IKZF2: variants seen among roughly 807,000 people sequenced by gnomAD.
The protein encoded by IKZF2 is IKAROS family zinc finger 2.
A neutral mutation model predicts 49.2 loss-of-function variants in IKZF2; 15 were observed. That is an observed-to-expected ratio of 0.30 (90% CI 0.20 to 0.47). The LOEUF (loss-of-function observed/expected upper bound fraction) is 0.47. IKZF2 is among the 20% of genes least tolerant of loss of function. The pLI is 1.00. For missense variants in IKZF2, 567 were observed against 664.6 expected, an observed-to-expected ratio of 0.85 and a Z score of 1.61; for synonymous variants, 227 against 221.4, an observed-to-expected ratio of 1.03 and a Z score of -0.23.
chr2:213,147,639 C>G, intron 4 of IKZF2, 69 bp downstream of exon 4: 2 of 1,150,620 alleles, frequency 1.7e-6, no homozygotes, highest in African/African-American at 1.5e-5. Context: ...CCCCACAGAC[C>G]TAACAAATTA....
At chr2:213,066,281 G>A (rs548454433) in intron 4 of IKZF2, among the ~76,000 whole-genome samples, 5 of 152,174 alleles carry the variant, frequency 3.3e-5, no homozygotes, top group African/African-American at 1.2e-4. Context: ...TCAACAGAAA[G>A]AGATAAGGAA....
chr2:213,028,477 A>G (rs1035249897), intron 6 of IKZF2, among the ~76,000 whole-genome samples: 5 of 152,146 alleles, frequency 3.3e-5, no homozygotes, highest in African/African-American at 1.2e-4. Context: ...CATCTTAACA[A>G]TACTGAATCT....
chr2:213,009,093 T>G (rs1344012615), intron 8 of IKZF2, among the ~76,000 whole-genome samples: 1 of 152,098 alleles, frequency 6.6e-6, no homozygotes, highest in East Asian at 1.9e-4. Context: ...TCATCCTTTC[T>G]TATTTAGACA....
At chr2:213,103,211 T>G (rs1320662734) in intron 4 of IKZF2, among the ~76,000 whole-genome samples, 1 of 152,120 alleles carries the variant, frequency 6.6e-6, no homozygotes, top group Admixed American at 6.6e-5. Flanking sequence ...AGCTAGTTAT[T>G]CCTTTGGGTA....
chr2:213,089,557 G>A (rs533607942), intron 4 of IKZF2, among the ~76,000 whole-genome samples: 43 of 152,286 alleles, frequency 2.8e-4, no homozygotes, highest in Admixed American at 1.2e-3. Flanking sequence ...AATATGCAAA[G>A]TGTCACAATT....
intron 4 of IKZF2, among the ~76,000 whole-genome samples, chr2:213,059,373 T>G (rs2125401875): frequency 6.6e-6 from 1 of 151,858 alleles, no homozygotes; most frequent in African/African-American, 2.4e-5. Context: ...AGTCTTCAGT[T>G]ATGGCTCCTG....
intron 4 of IKZF2, among the ~76,000 whole-genome samples, chr2:213,060,180 A>G (rs930799794): frequency 6.6e-6 from 1 of 151,324 alleles, no homozygotes; most frequent in African/African-American, 2.4e-5. Flanking sequence ...TACATAGAAA[A>G]GTTTTCTCCA....
chr2:213,076,820 G>C (rs575210068), intron 4 of IKZF2, among the ~76,000 whole-genome samples: 2 of 152,148 alleles, frequency 1.3e-5, no homozygotes, highest in Non-Finnish European at 2.9e-5. Context: ...GGAGAAGGGC[G>C]TGAACCCAGG....
At chr2:213,101,396 T>C (rs532322812) in intron 4 of IKZF2, among the ~76,000 whole-genome samples, 1 of 152,182 alleles carries the variant, frequency 6.6e-6, no homozygotes, top group East Asian at 1.9e-4. Flanking sequence ...CCTTTACCTA[T>C]GGTTATCCAG....
At chr2:213,147,580 C>A in intron 4 of IKZF2, 128 bp downstream of exon 4, 1 of 782,424 alleles carries the variant, frequency 1.3e-6, no homozygotes, top group South Asian at 1.3e-5. Flanking sequence ...CTGTGTTGTT[C>A]TTTCTTTAGC....
chr2:213,062,973 T>C (rs766004071), intron 4 of IKZF2, among the ~76,000 whole-genome samples: 2 of 152,038 alleles, frequency 1.3e-5, no homozygotes, highest in Non-Finnish European at 2.9e-5. Flanking sequence ...ACAATTAAAG[T>C]AAAACCACAA....
At chr2:213,127,211 A>T (rs2060296348) in intron 4 of IKZF2, among the ~76,000 whole-genome samples, 1 of 152,238 alleles carries the variant, frequency 6.6e-6, no homozygotes, top group Non-Finnish European at 1.5e-5. Flanking sequence ...AAATGGGTAT[A>T]AGGCAGTTAC....
At chr2:213,046,062 T>C (rs934972583) in intron 6 of IKZF2, among the ~76,000 whole-genome samples, 7 of 126,052 alleles carry the variant, frequency 5.6e-5, no homozygotes, top group Admixed American at 4.8e-4. Flanking sequence ...CTCGTGGTTT[T>C]ATAGTAAAGA....
At chr2:213,143,241 T>G (rs1017098541) in intron 4 of IKZF2, among the ~76,000 whole-genome samples, 2 of 151,922 alleles carry the variant, frequency 1.3e-5, no homozygotes, top group Admixed American at 6.6e-5. Context: ...TGGTGTTACC[T>G]TTTTTTAAAA....
intron 4 of IKZF2, among the ~76,000 whole-genome samples, chr2:213,059,952 A>G (rs1272116877): frequency 1.3e-5 from 2 of 151,436 alleles, no homozygotes; most frequent in Non-Finnish European, 3.0e-5. Context: ...ATAAAGAAGT[A>G]TGTTTAGAAT....
Position 213,039,743 on chromosome 2 carries a change from T to C in IKZF2, c.574+9970A>G, listed in dbSNP as rs533611344. Among the ~76,000 whole-genome samples, 16 of 152,246 alleles carry C rather than the reference T, an allele frequency of 1.1e-4. No individual in the cohort carries two copies. The East Asian group carries it at 2.9e-3, about 27-fold the overall frequency. Reference sequence around the variant, plus strand: ...AGTGATATACACAAATAAATAATTATATCATATGCTCAATGCTGGTTCAAT... The same window carrying C: ...AGTGATATACACAAATAAATAATTACATCATATGCTCAATGCTGGTTCAAT... On this transcript the variant is annotated intron_variant, in intron 6 of 8. Coordinates refer to ENST00000434687, the MANE Select transcript of IKZF2 (RefSeq NM_001387220.1).
chr2:213,104,293 C>A (rs1339085559), intron 4 of IKZF2, among the ~76,000 whole-genome samples: 5 of 150,872 alleles, frequency 3.3e-5, no homozygotes, highest in African/African-American at 9.7e-5. Context: ...GAAAAAGTTA[C>A]AACTCAAATT....
chr2:213,007,830 C>G lies in IKZF2; in HGVS notation c.1111G>C (p.Glu371Gln). 6.2e-7 allele frequency: 1 copy of G among 1,613,534 alleles called. No homozygotes were observed. The highest frequency in any genetic ancestry group is 1.3e-5 in the African/African-American group (1 of 74,964). The change falls in exon 9 of 9, where the codon GAA (glutamate) becomes CAA (glutamine). Residue 371 changes from glutamate (E) to glutamine (Q), a missense_variant. Glu to Gln is a conservative substitution (Grantham distance 29). This residue lies in a region of IKZF2 where 310 missense variants were observed against 326.9 expected (regional missense o/e 0.95). Coordinates refer to ENST00000434687, the MANE Select transcript of IKZF2 (RefSeq NM_001387220.1). ...PNRIERPISR[E>Q]TADSHENNMD... is the part of the protein sequence containing the mutation. ...TTGTTTTCATGACTATCAGCAGTTT[C>G]CCTGCTAATGGGTCTTTCTATCCTA...
intron 4 of IKZF2, among the ~76,000 whole-genome samples, chr2:213,114,220 G>T (rs1350684154): frequency 6.6e-6 from 1 of 152,042 alleles, no homozygotes. Flanking sequence ...ATAATAAAAA[G>T]GTGTGGATGT....
Sources: gnomAD v4.1 joint callset for allele counts (sites outside exome capture counted in the v4.1 genomes callset) on GRCh38, gnomAD v4.1.1 for gene constraint, gnomAD v4.1.1 regional missense constraint, MANE v1.5 for transcripts, NCBI Gene and HGNC (gene_info 2026-07-23, HGNC 2026-07-21) for gene names.